Variants in KLHL29 observed in about 807,000 individuals in gnomAD.
KLHL29 encodes kelch like family member 29.
Under a neutral mutation model 80.4 loss-of-function variants are expected in KLHL29, and 21 were observed. The ratio of observed to expected loss-of-function variants is 0.26; its 90% CI spans 0.19 to 0.38. The LOEUF is 0.38. Among genes scored for constraint, KLHL29 ranks in the 10% least tolerant of loss-of-function variants. The pLI, the probability that KLHL29 is intolerant of heterozygous loss-of-function variation, is 1.00. For synonymous variants in KLHL29, 511 were observed against 526.8 expected, an observed-to-expected ratio of 0.97 and a Z score of 0.41; for missense variants, 867 against 1,223.9, an observed-to-expected ratio of 0.71 and a Z score of 4.35.
chr2:23,588,740 T>A (rs1179498992), intron 3 of KLHL29, among the ~76,000 whole-genome samples: 1 of 152,200 alleles, frequency 6.6e-6, no homozygotes, highest in Non-Finnish European at 1.5e-5. Flanking sequence ...CCAGGGTTGT[T>A]CTAGGCTGTA....
chr2:23,562,212 A>G lies in KLHL29; in HGVS notation c.16A>G (p.Ser6Gly). The G allele has an allele frequency of 5.8e-6, 9 of 1,550,464 alleles. No homozygotes were observed. The highest frequency in any genetic ancestry group is 1.2e-5 in the South Asian group (1 of 84,044). Residue 6 changes from serine (S) to glycine (G), a missense_variant, in exon 3 of 14, where the codon AGC becomes GGC. Ser to Gly is a moderately conservative substitution (Grantham distance 56, BLOSUM62 0). Transcript: ENST00000486442. The surrounding 1 kb of genome is among the most constrained non-coding windows in gnomAD (Gnocchi z 4.5). ...GCCCACCGAGATGTCCCGGCACCAT[A>G]GCCGCTTCGAAAGAGATTACCGGGT... MSRHH[S>G]RFERDYRVGW...
At chr2:23,397,546 A>C (rs909558804) in intron 1 of KLHL29, among the ~76,000 whole-genome samples, 1 of 152,160 alleles carries the variant, frequency 6.6e-6, no homozygotes, top group Non-Finnish European at 1.5e-5. Context: ...TGATAGCTCA[A>C]ATAGACACCT....
intron 3 of KLHL29, among the ~76,000 whole-genome samples, chr2:23,627,963 A>C (rs971208072): frequency 3.9e-5 from 5 of 128,036 alleles, no homozygotes; most frequent in African/African-American, 1.5e-4. Context: ...GCTGGAGGGC[A>C]GTGGCACGAT....
At chr2:23,447,174 G>A (rs887551973) in intron 1 of KLHL29, among the ~76,000 whole-genome samples, 6 of 152,144 alleles carry the variant, frequency 3.9e-5, no homozygotes, top group South Asian at 2.1e-4. Context: ...CATCGTGGAC[G>A]TGTGCTGGAG....
At chr2:23,567,973 C>T (rs1667630748) in intron 3 of KLHL29, among the ~76,000 whole-genome samples, 2 of 152,202 alleles carry the variant, frequency 1.3e-5, no homozygotes, top group Non-Finnish European at 2.9e-5. Context: ...TTGCCTGTAC[C>T]TTAAGTCGCA....
chr2:23,416,211 T>G (rs553874990), intron 1 of KLHL29, among the ~76,000 whole-genome samples: 1 of 152,296 alleles, frequency 6.6e-6, no homozygotes, highest in East Asian at 1.9e-4. Context: ...GAAACACTGA[T>G]GCATCCCAAG....
intron 1 of KLHL29, among the ~76,000 whole-genome samples, chr2:23,468,548 C>A (rs532810158): frequency 2.6e-5 from 4 of 152,184 alleles, no homozygotes; most frequent in Non-Finnish European, 4.4e-5. Flanking sequence ...ACACCGCCCC[C>A]CTCCCCGCCG....
intron 1 of KLHL29, among the ~76,000 whole-genome samples, chr2:23,466,599 G>A (rs1664360890): frequency 6.6e-6 from 1 of 152,178 alleles, no homozygotes; most frequent in South Asian, 2.1e-4. Flanking sequence ...ATGGAGAGGA[G>A]GGAAATTTGT....
chr2:23,688,184 G>T (rs1671361179), intron 6 of KLHL29, among the ~76,000 whole-genome samples: 2 of 152,178 alleles, frequency 1.3e-5, no homozygotes, highest in Admixed American at 1.3e-4. Context: ...AGTTACCAAG[G>T]GTGGGCCTGA....
At chr2:23,563,329 C>A (rs1156809466) in intron 3 of KLHL29, among the ~76,000 whole-genome samples, 2 of 152,244 alleles carry the variant, frequency 1.3e-5, no homozygotes. Flanking sequence ...GGCCGGGCCC[C>A]TGGCCATGGC....
intron 1 of KLHL29, among the ~76,000 whole-genome samples, chr2:23,394,283 TCCC>T (rs1666394581): frequency 6.6e-6 from 1 of 152,192 alleles, no homozygotes; most frequent in African/African-American, 2.4e-5. Context: ...AAGCTTAGCC[TCCC>T]AGGGAACTTT....
intron 11 of KLHL29, chr2:23,697,539 G>A (rs1363014257): frequency 1.3e-5 from 2 of 152,276 alleles, no homozygotes; most frequent in African/African-American, 4.8e-5. Flanking sequence ...TGCCTATGAA[G>A]CCACACATAC....
At chr2:23,495,566 C>T (rs1444797863) in intron 2 of KLHL29, among the ~76,000 whole-genome samples, 1 of 152,176 alleles carries the variant, frequency 6.6e-6, no homozygotes, top group Non-Finnish European at 1.5e-5. Context: ...CCCTGGGACT[C>T]GGGACATTCT....
chr2:23,705,229 A>G (rs1672643606), intron 13 of KLHL29, among the ~76,000 whole-genome samples: 1 of 152,230 alleles, frequency 6.6e-6, no homozygotes, highest in Non-Finnish European at 1.5e-5. Context: ...ACAGTGGCTC[A>G]CGCCTGTAAT....
At chr2:23,454,117 G>T (rs1572330733) in intron 1 of KLHL29, among the ~76,000 whole-genome samples, 1 of 152,154 alleles carries the variant, frequency 6.6e-6, no homozygotes, top group Non-Finnish European at 1.5e-5. Context: ...TTTCATTAGG[G>T]ACTTTTAACC....
intron 1 of KLHL29, among the ~76,000 whole-genome samples, chr2:23,418,933 G>A (rs781030536): frequency 2.0e-5 from 3 of 152,110 alleles, no homozygotes; most frequent in Non-Finnish European, 4.4e-5. Flanking sequence ...GTTCCACAAG[G>A]TGCCAGATGG....
intron 2 of KLHL29, among the ~76,000 whole-genome samples, chr2:23,505,253 T>C (rs147741507): frequency 6.6e-6 from 1 of 152,088 alleles, no homozygotes; most frequent in African/African-American, 2.4e-5. Context: ...TGATGCAGGG[T>C]GTCAGAGGAG....
At chr2:23,539,205 C>T (rs961399903) in intron 2 of KLHL29, among the ~76,000 whole-genome samples, 1 of 65,494 alleles carries the variant, frequency 1.5e-5, no homozygotes, top group African/African-American at 1.1e-4. Context: ...TGGTTCACAG[C>T]CCTAGGTGTC....
intron 1 of KLHL29, among the ~76,000 whole-genome samples, chr2:23,388,027 C>T (rs973153248): frequency 6.6e-6 from 1 of 152,076 alleles, no homozygotes; most frequent in East Asian, 1.9e-4. Flanking sequence ...GCAATCCAAA[C>T]GAAATACCTA....
Sources: gnomAD v4.1 joint callset for allele counts (sites outside exome capture counted in the v4.1 genomes callset) on GRCh38, gnomAD v4.1.1 for gene constraint, Gnocchi (gnomAD v3.1) non-coding constraint, MANE v1.5 for transcripts, NCBI Gene and HGNC (gene_info 2026-07-23, HGNC 2026-07-21) for gene names.